Variants in PBX1 observed in about 807,000 individuals in gnomAD.
PBX1 encodes the protein pre-B-cell leukemia transcription factor 1.
PBX1 carries 6 observed loss-of-function variants against 53.4 expected under a neutral mutation model. That is an observed-to-expected ratio of 0.11 (90% CI 0.06 to 0.22). The LOEUF is 0.22. PBX1 is among the 10% of genes least tolerant of loss of function. The probability of loss-of-function intolerance (pLI) is 1.00; values close to 1 mark genes in which losing one functional copy is unlikely to be tolerated. For missense variants in PBX1, 251 were observed against 551.4 expected, an observed-to-expected ratio of 0.46 and a Z score of 5.46; for synonymous variants, 204 against 212.3, an observed-to-expected ratio of 0.96 and a Z score of 0.34.
At chr1:164,570,316 G>A (rs541653337) in intron 2 of PBX1, among the ~76,000 whole-genome samples, 4 of 152,116 alleles carry the variant, frequency 2.6e-5, no homozygotes, top group South Asian at 2.1e-4. Context: ...CCATCAACCC[G>A]TCATCTACAT....
intron 2 of PBX1, among the ~76,000 whole-genome samples, chr1:164,621,834 A>ATT (rs371514378): frequency 2.0e-5 from 3 of 150,572 alleles, no homozygotes; most frequent in Non-Finnish European, 3.0e-5. Context: ...ATTTGGGTAG[A>ATT]TTTTTTTTTT....
At position 164,559,635 on chromosome 1, in the gene PBX1, A is replaced by C. The variant is rs1200671976; in HGVS notation, c.-188A>C. On this transcript the variant is annotated 5_prime_UTR_variant, in exon 1 of 9. Transcript: ENST00000420696. ...ACGCCCCCTCCCCCTCCCCCTCCTC[A>C]TCCTCCCACCATCCTCTAAAGAGGC... 2.2e-3 allele frequency: 243 copies of C among 109,370 alleles called. No homozygotes were observed. The highest frequency in any genetic ancestry group is 8.2e-3 in the South Asian group (32 of 3,922). The allele number at this position is 109,370 out of a possible 1,614,324, so 6.8% of individuals were successfully genotyped here.
Position 164,835,527 on chromosome 1 carries a change from C to T in PBX1, c.1201-11057C>T, listed in dbSNP as rs183866389. Among the ~76,000 whole-genome samples, 52 of 152,176 alleles carry T rather than the reference C, an allele frequency of 3.4e-4. 2 individuals carry two copies. Among genetic ancestry groups the T allele is most frequent in the Admixed American group, 1.3e-3 (20 of 15,286 alleles). ...ATTATCAAATCATTAAATGGCATCT[C>T]GTTTTTATTTTAACTTGTATCCCTT... On this transcript the variant is annotated intron_variant, in intron 8 of 8. Transcript: ENST00000420696.
At chr1:164,668,642 CT>C (rs917990746) in intron 2 of PBX1, among the ~76,000 whole-genome samples, 1 of 152,176 alleles carries the variant, frequency 6.6e-6, no homozygotes, top group African/African-American at 2.4e-5. Flanking sequence ...GTGTAACATA[CT>C]CTTCCCCTTT....
At chr1:164,833,470 G>A (rs78828075) in intron 8 of PBX1, among the ~76,000 whole-genome samples, 2,539 of 152,248 alleles carry the variant, frequency 0.017, 30 homozygotes, top group Non-Finnish European at 0.024. Flanking sequence ...ATGGCAGTGG[G>A]CAAACATCTC....
At chr1:164,652,998 C>T (rs1351899480) in intron 2 of PBX1, among the ~76,000 whole-genome samples, 3 of 151,870 alleles carry the variant, frequency 2.0e-5, no homozygotes, top group South Asian at 4.2e-4. Context: ...TCCTGAGTAG[C>T]TGAGATTACA....
chr1:164,756,050 G>A (rs966468258), intron 2 of PBX1, among the ~76,000 whole-genome samples: 8 of 151,468 alleles, frequency 5.3e-5, no homozygotes, highest in Non-Finnish European at 7.4e-5. Context: ...TTTCCCCTCT[G>A]CACAGAGCTA....
intron 2 of PBX1, among the ~76,000 whole-genome samples, chr1:164,872,602 T>A (rs1468486359): frequency 6.6e-6 from 1 of 152,204 alleles, no homozygotes; most frequent in Non-Finnish European, 1.5e-5. Flanking sequence ...ATGAGCATTA[T>A]TTTTCTCTTT....
At chr1:164,750,198 A>G (rs952082677) in intron 2 of PBX1, among the ~76,000 whole-genome samples, 1 of 149,180 alleles carries the variant, frequency 6.7e-6, no homozygotes, top group African/African-American at 2.5e-5. Context: ...GCACATGTGC[A>G]TTCCCTGAAT....
intron 2 of PBX1, among the ~76,000 whole-genome samples, chr1:164,576,251 GTC>G (rs1654224460): frequency 6.6e-6 from 1 of 152,232 alleles, no homozygotes; most frequent in Non-Finnish European, 1.5e-5. Context: ...TGTCGCCTGA[GTC>G]TTGCTGTAAG....
intron 3 of PBX1, among the ~76,000 whole-genome samples, chr1:164,795,259 C>G (rs1668724727): frequency 6.6e-6 from 1 of 152,114 alleles, no homozygotes; most frequent in Non-Finnish European, 1.5e-5. Flanking sequence ...TACCCTTACC[C>G]CAAGGGCTCT....
chr1:164,717,622 C>G (rs1664176134), intron 2 of PBX1, among the ~76,000 whole-genome samples: 1 of 152,228 alleles, frequency 6.6e-6, no homozygotes, highest in Non-Finnish European at 1.5e-5. Context: ...TTAGAACAGA[C>G]ACACCCCTGA....
intron 2 of PBX1, among the ~76,000 whole-genome samples, chr1:164,777,855 T>C (rs963507492): frequency 4.6e-5 from 7 of 152,242 alleles, no homozygotes; most frequent in East Asian, 1.9e-4. Flanking sequence ...ATAATTCACA[T>C]TGGTTTGCAG....
intron 2 of PBX1, among the ~76,000 whole-genome samples, chr1:164,688,528 T>G (rs189903551): frequency 8.5e-5 from 13 of 152,312 alleles, no homozygotes; most frequent in Admixed American, 4.6e-4. Context: ...CTCTAATCCT[T>G]TGCAAGATGG....
chr1:164,716,087 A>ATTATATTTAATGTC (rs1307727136), intron 2 of PBX1, among the ~76,000 whole-genome samples: 2 of 152,234 alleles, frequency 1.3e-5, no homozygotes, highest in Non-Finnish European at 2.9e-5. Context: ...TATTTGGGTC[A>ATTATATTTAATGTC]TTAAATATAA....
At chr1:164,787,718 C>G (rs1167488679) in intron 2 of PBX1, 2 of 152,146 alleles carry the variant, frequency 1.3e-5, no homozygotes, top group African/African-American at 2.4e-5. Context: ...GGACTTTTAC[C>G]AAAGAATTAA....
chr1:164,613,696 A>G (rs902118286), intron 2 of PBX1, among the ~76,000 whole-genome samples: 11 of 152,208 alleles, frequency 7.2e-5, no homozygotes, highest in Non-Finnish European at 1.2e-4. Flanking sequence ...CAAATAAACA[A>G]TAAGTACTTT....
intron 2 of PBX1, among the ~76,000 whole-genome samples, chr1:164,638,579 T>C (rs1459696675): frequency 1.3e-5 from 2 of 152,180 alleles, no homozygotes; most frequent in African/African-American, 4.8e-5. Flanking sequence ...GACACACACA[T>C]ACACTCACAC....
At chr1:164,721,841 C>A (rs1483997162) in intron 2 of PBX1, among the ~76,000 whole-genome samples, 1 of 152,142 alleles carries the variant, frequency 6.6e-6, no homozygotes, top group Non-Finnish European at 1.5e-5. Flanking sequence ...TTACCTATTC[C>A]CTTTACAAAA....
Sources: allele counts gnomAD v4.1 joint callset (sites outside exome capture counted in the v4.1 genomes callset), GRCh38; gene constraint gnomAD v4.1.1; transcripts MANE v1.5; gene names NCBI Gene and HGNC (gene_info 2026-07-23, HGNC 2026-07-21).